RARB: variants seen among roughly 807,000 people sequenced by gnomAD.
RARB encodes HBV-activated protein.
Under a neutral mutation model 51.9 loss-of-function variants are expected in RARB, and 17 were observed. That is an observed-to-expected ratio of 0.33 (90% CI 0.22 to 0.49). RARB has a LOEUF of 0.49. RARB is among the 20% of genes least tolerant of loss of function. The probability of loss-of-function intolerance (pLI) is 0.99; values close to 1 mark genes in which losing one functional copy is unlikely to be tolerated. For missense variants in RARB, 369 were observed against 550.8 expected (o/e 0.67, Z 3.30); for synonymous variants, 215 against 195.4 (o/e 1.10, Z -0.84).
At chr3:24,918,915 TA>T (rs1228163086) in intron 2 of RARB, among the ~76,000 whole-genome samples, 1 of 151,914 alleles carries the variant, frequency 6.6e-6, no homozygotes, top group Non-Finnish European at 1.5e-5. Flanking sequence ...ATTAAATAAA[TA>T]AAAAACTTAG....
chr3:24,877,069 ATTT>A (rs1703060505), intron 2 of RARB, among the ~76,000 whole-genome samples: 1 of 152,108 alleles, frequency 6.6e-6, no homozygotes, highest in Non-Finnish European at 1.5e-5. Context: ...ATTTTCTCTA[ATTT>A]TTATTAGCAG....
intron 2 of RARB, among the ~76,000 whole-genome samples, chr3:24,875,785 T>C (rs1372559732): frequency 1.3e-5 from 2 of 152,090 alleles, no homozygotes; most frequent in Non-Finnish European, 2.9e-5. Context: ...TATTCAAATT[T>C]TACCAGTTTT....
At chr3:25,197,085 G>T (rs959228830) in intron 5 of RARB, among the ~76,000 whole-genome samples, 2 of 152,078 alleles carry the variant, frequency 1.3e-5, no homozygotes, top group Non-Finnish European at 2.9e-5. Flanking sequence ...GATGCCATTT[G>T]TCTGTTTTGG....
chr3:24,922,266 G>A (rs1695231819), intron 2 of RARB, among the ~76,000 whole-genome samples: 1 of 152,208 alleles, frequency 6.6e-6, no homozygotes, highest in Non-Finnish European at 1.5e-5. Context: ...TGTAAAATGT[G>A]AAGCATAATT....
chr3:24,950,518 G>C (rs772664076), intron 2 of RARB, among the ~76,000 whole-genome samples: 13 of 152,078 alleles, frequency 8.5e-5, no homozygotes, highest in Non-Finnish European at 7.3e-5. Flanking sequence ...TCTGGTTCAG[G>C]AAATGCATTT....
intron 2 of RARB, among the ~76,000 whole-genome samples, chr3:24,958,922 G>A (rs1412978996): frequency 1.3e-5 from 2 of 152,138 alleles, no homozygotes; most frequent in East Asian, 1.9e-4. Flanking sequence ...TACTCAGCCC[G>A]CAGCTCTCAA....
intron 4 of RARB, among the ~76,000 whole-genome samples, chr3:25,160,570 A>T (rs556901676): frequency 3.3e-5 from 5 of 152,332 alleles, no homozygotes; most frequent in Non-Finnish European, 7.3e-5. Flanking sequence ...AATCCAGGAG[A>T]AATAATTGGT....
chr3:25,041,418 T>G (rs1698111973), intron 2 of RARB, among the ~76,000 whole-genome samples: 1 of 152,170 alleles, frequency 6.6e-6, no homozygotes, highest in South Asian at 2.1e-4. Flanking sequence ...GGTCTGTAGA[T>G]CTGACTTTCA....
At chr3:24,882,155 C>T (rs1703179981) in intron 2 of RARB, among the ~76,000 whole-genome samples, 2 of 152,116 alleles carry the variant, frequency 1.3e-5, no homozygotes, top group Admixed American at 1.3e-4. Flanking sequence ...AAATAACATT[C>T]TGCATTAAAA....
intron 1 of RARB, among the ~76,000 whole-genome samples, chr3:25,444,929 AAATG>A (rs1296695332): frequency 6.6e-6 from 1 of 151,970 alleles, no homozygotes; most frequent in Admixed American, 6.6e-5. Flanking sequence ...TTAGCTGGAG[AAATG>A]AATGAACACC....
At chr3:25,023,303 C>T (rs1344796841) in intron 2 of RARB, among the ~76,000 whole-genome samples, 4 of 152,190 alleles carry the variant, frequency 2.6e-5, no homozygotes, top group Non-Finnish European at 5.9e-5. Context: ...TCTGCTTAAT[C>T]AAGAAGCCTA....
intron 2 of RARB, among the ~76,000 whole-genome samples, chr3:24,972,878 A>G (rs1055991804): frequency 7.2e-5 from 11 of 151,912 alleles, no homozygotes. Context: ...ATTCTGGTTA[A>G]TAATCCCTTG....
At chr3:25,525,782 G>T (rs918948040) in intron 3 of RARB, among the ~76,000 whole-genome samples, 1 of 152,052 alleles carries the variant, frequency 6.6e-6, no homozygotes, top group African/African-American at 2.4e-5. Context: ...GGAGGTAAAG[G>T]GGTCTATTTT....
At chr3:25,431,898 C>T (rs1708224846) in intron 1 of RARB, among the ~76,000 whole-genome samples, 1 of 152,062 alleles carries the variant, frequency 6.6e-6, no homozygotes, top group South Asian at 2.1e-4. Flanking sequence ...AAATCCTCTC[C>T]TAGTGAGATA....
intron 5 of RARB, among the ~76,000 whole-genome samples, chr3:25,225,896 A>G (rs1702045238): frequency 6.6e-6 from 1 of 152,188 alleles, no homozygotes; most frequent in Non-Finnish European, 1.5e-5. Flanking sequence ...TGCACCCATT[A>G]CAGATTTTTG....
intron 2 of RARB, among the ~76,000 whole-genome samples, chr3:25,016,669 G>T (rs965054938): frequency 6.6e-6 from 1 of 152,100 alleles, no homozygotes. Context: ...AATTTCCATT[G>T]TGACACCCCT....
intron 3 of RARB, among the ~76,000 whole-genome samples, chr3:25,526,552 T>A (rs376673316): frequency 6.6e-4 from 100 of 152,224 alleles, no homozygotes; most frequent in African/African-American, 2.2e-3. Context: ...AAAAATTAAG[T>A]TAAATTTAAA....
intron 5 of RARB, among the ~76,000 whole-genome samples, chr3:25,354,662 C>T (rs2125459519): frequency 6.6e-6 from 1 of 152,218 alleles, no homozygotes; most frequent in Middle Eastern, 3.4e-3. Flanking sequence ...AAGCTGTGCA[C>T]CCCACTTAAC....
chr3:25,205,614 A>G (rs1701520466), intron 5 of RARB, among the ~76,000 whole-genome samples: 1 of 152,180 alleles, frequency 6.6e-6, no homozygotes, highest in Admixed American at 6.5e-5. Context: ...GCTTGAGGTG[A>G]TGGACTCCCC....
Sources: allele counts gnomAD v4.1 joint callset (sites outside exome capture counted in the v4.1 genomes callset), GRCh38; gene constraint gnomAD v4.1.1; transcripts MANE v1.5; gene names NCBI Gene and HGNC (gene_info 2026-07-23, HGNC 2026-07-21).